Variants in XPNPEP1 observed in about 807,000 individuals in gnomAD.
XPNPEP1 encodes the protein xaa-Pro aminopeptidase 1.
XPNPEP1 carries 39 observed loss-of-function variants against 92.4 expected under a neutral mutation model. The ratio of observed to expected loss-of-function variants is 0.42; its 90% confidence interval spans 0.33 to 0.55. The LOEUF is 0.55. Among genes scored for constraint, XPNPEP1 ranks in the 20% least tolerant of loss-of-function variants. The pLI, the probability that XPNPEP1 is intolerant of heterozygous loss-of-function variation, is 0.08. For missense variants in XPNPEP1, 654 were observed against 856.1 expected, an observed-to-expected ratio of 0.76 and a Z score of 2.95; for synonymous variants, 307 against 299.4, an observed-to-expected ratio of 1.03 and a Z score of -0.26.
chr10:109,881,208 C>T (rs933641185), intron 10 of XPNPEP1, among the ~76,000 whole-genome samples: 9 of 152,158 alleles, frequency 5.9e-5, no homozygotes, highest in Non-Finnish European at 1.3e-4. Flanking sequence ...GGCTGCCTGC[C>T]GTCAGCAAGA....
At chr10:109,887,955 CTCGACTTGGAT>C in intron 7 of XPNPEP1, 83 bp downstream of exon 7, 1 of 1,524,734 alleles carries the variant, frequency 6.6e-7, no homozygotes, top group Non-Finnish European at 8.8e-7. Flanking sequence ...TCAGCTCCAA[CTCGACTTGGAT>C]TCGGAGGACG....
In XPNPEP1 at chr10:109,870,893, C is replaced by T. The variant is rs756162250; in HGVS notation, c.1534G>A (p.Asp512Asn). ...FPTGTKGHLL[D>N]SFARSALWDS... is the part of the protein sequence containing the mutation. ...CATAAAGCTGAACGGGCAAAGGAGT[C>T]AAGAAGGTGACCTGAAAGACATAAA... The change falls in exon 18 of 21, where the codon GAC (aspartate) becomes AAC (asparagine). Residue 512 changes from aspartate to asparagine, a missense_variant. By Grantham distance (23) the Asp-to-Asn change is conservative (BLOSUM62 1). Coordinates refer to ENST00000502935, the MANE Select transcript of XPNPEP1 (RefSeq NM_020383.4). 5 of 1,613,442 alleles carry T rather than the reference C, an allele frequency of 3.1e-6. No homozygotes were observed. Among genetic ancestry groups the T allele is most frequent in the Non-Finnish European group, 4.2e-6 (5 of 1,179,806 alleles).
At chr10:109,878,154 A>T in intron 12 of XPNPEP1, 96 bp from the exon 13 acceptor site, 1 of 1,430,324 alleles carries the variant, frequency 7.0e-7, no homozygotes, top group Non-Finnish European at 9.8e-7. Context: ...CTTTTTCCTC[A>T]ATTGCTTCAT....
intron 3 of XPNPEP1, among the ~76,000 whole-genome samples, chr10:109,902,720 C>G (rs1240777955): frequency 1.3e-5 from 2 of 152,358 alleles, no homozygotes; most frequent in Middle Eastern, 3.4e-3. Flanking sequence ...ACAGTGACTT[C>G]TGCAATAAGA....
chr10:109,889,922 C>G (rs756646370), intron 5 of XPNPEP1, among the ~76,000 whole-genome samples: 2 of 152,108 alleles, frequency 1.3e-5, no homozygotes, highest in African/African-American at 2.4e-5. Flanking sequence ...TGATTCTTTC[C>G]TATTTTTTTT....
In XPNPEP1 at chr10:109,923,292, G is replaced by C. The variant is rs1253243921; in HGVS notation, c.32+110C>G. 5.7e-6 allele frequency: 7 copies of C among 1,226,346 alleles called. No homozygotes were observed. In the East Asian group the frequency reaches 1.8e-4, roughly 32 times the overall value. The allele number at this position is 1,226,346 out of a possible 1,614,324, so 76.0% of individuals were successfully genotyped here. Reference sequence around the variant, plus strand: ...AGCGCGGCCCTCGCCAGACTGCGGCGGGCCGGGCTCCTCACCCGCGCGTCC... The same window carrying C: ...AGCGCGGCCCTCGCCAGACTGCGGCCGGCCGGGCTCCTCACCCGCGCGTCC... On this transcript the variant is annotated intron_variant, in intron 1 of 20. Coordinates refer to ENST00000502935, the MANE Select transcript of XPNPEP1 (RefSeq NM_020383.4).
At chr10:109,914,871 T>C (rs1442997686) in intron 2 of XPNPEP1, 140 bp downstream of exon 2, 2 of 436,864 alleles carry the variant, frequency 4.6e-6, no homozygotes, top group African/African-American at 2.0e-5. Flanking sequence ...AATAAAATGG[T>C]TTTTAACTTC....
intron 11 of XPNPEP1, 22 bp downstream of exon 11, chr10:109,880,820 C>G (rs1432186212): frequency 6.2e-7 from 1 of 1,612,102 alleles, no homozygotes; most frequent in Non-Finnish European, 8.5e-7. Flanking sequence ...ATCCCATCTT[C>G]TGCACCAGCT....
chr10:109,870,094 T>A, intron 18 of XPNPEP1, 65 bp from the exon 19 acceptor site: 1 of 1,558,158 alleles, frequency 6.4e-7, no homozygotes, highest in Non-Finnish European at 8.8e-7. Flanking sequence ...AGAGAGAAAC[T>A]TTCACTCCTT....
chr10:109,912,814 T>C (rs571506037), intron 2 of XPNPEP1, among the ~76,000 whole-genome samples: 4 of 152,368 alleles, frequency 2.6e-5, no homozygotes, highest in Middle Eastern at 3.4e-3. Flanking sequence ...AGGGATGATG[T>C]CATCTCTGTA....
chr10:109,888,421 A>G, intron 6 of XPNPEP1, 82 bp downstream of exon 6: 1 of 1,404,468 alleles, frequency 7.1e-7, no homozygotes, highest in South Asian at 1.3e-5. Flanking sequence ...AGTGCTCCAC[A>G]CCCCACAAGC....
chr10:109,880,302 C>T (rs1848018628), intron 11 of XPNPEP1, 64 bp from the exon 12 acceptor site: 2 of 1,560,174 alleles, frequency 1.3e-6, no homozygotes, highest in Non-Finnish European at 1.8e-6. Context: ...GATTCAGAGC[C>T]TAGCCCTAAT....
intron 20 of XPNPEP1, 111 bp downstream of exon 20, chr10:109,868,503 C>T (rs1469443010): frequency 2.0e-6 from 2 of 1,013,942 alleles, no homozygotes; most frequent in Admixed American, 4.7e-5. Context: ...TTAAAAATTA[C>T]AAAGTGAGAC....
At chr10:109,916,497 C>T (rs1410972119) in intron 1 of XPNPEP1, among the ~76,000 whole-genome samples, 1 of 152,158 alleles carries the variant, frequency 6.6e-6, no homozygotes, top group African/African-American at 2.4e-5. Flanking sequence ...AATTTAACCG[C>T]ATTTTTACAT....
Position 109,864,936 on chromosome 10 carries a change from G to T in XPNPEP1, c.*248C>A. On this transcript the variant is annotated 3_prime_UTR_variant, in exon 21 of 21. Coordinates refer to ENST00000502935, the MANE Select transcript of XPNPEP1 (RefSeq NM_020383.4). Reference sequence around the variant, plus strand: ...TTCCTTTCACCAAGTGTTCAACTTTGGAGGGACCCTCCTTCTGGTGCAGCA... The same window carrying T: ...TTCCTTTCACCAAGTGTTCAACTTTTGAGGGACCCTCCTTCTGGTGCAGCA... 1.9e-6 allele frequency: 1 copy of T among 514,902 alleles called. No homozygotes were observed. The highest frequency in any genetic ancestry group is 3.3e-6 in the Non-Finnish European group (1 of 298,768). 31.9% of individuals were successfully genotyped at this position (514,902 alleles called of 1,614,324 possible). A position where few individuals can be genotyped will look rare whatever the true frequency, so the allele number is the denominator to read the frequency against.
chr10:109,895,626 C>T (rs1225186666), intron 3 of XPNPEP1, among the ~76,000 whole-genome samples: 1 of 152,258 alleles, frequency 6.6e-6, no homozygotes, highest in East Asian at 1.9e-4. Context: ...TGTCACTCTC[C>T]TTCTCCCAGG....
rs778961795 is a variant in XPNPEP1, at chr10:109,888,154, C to T, written c.547G>A (p.Gly183Ser). 26 of 1,613,506 alleles carry T rather than the reference C, an allele frequency of 1.6e-5. No homozygotes were observed. The highest frequency in any genetic ancestry group is 8.9e-5 in the East Asian group (4 of 44,868). The stretch of plus-strand genomic sequence containing the variant: ...TCCTTGACAGGAATGAGGTGATGGC[C>T]GGCACTTCTCAGAACTTTGGCCATT... The part of the protein sequence containing the change: ...KKMAKVLRSA[G>S]HHLIPVKENL... Residue 183 changes from glycine (G) to serine (S), a missense_variant, in exon 7 of 21, where the codon GGC becomes AGC. Transcript: ENST00000502935.
chr10:109,873,578 C>T (rs1175671710), intron 15 of XPNPEP1, 151 bp from the exon 16 acceptor site: 5 of 803,922 alleles, frequency 6.2e-6, no homozygotes, highest in Non-Finnish European at 1.0e-5. Context: ...TTCGCAGTTC[C>T]TTAAAAGGTT....
At chr10:109,908,140 T>A (rs1849659145) in intron 2 of XPNPEP1, among the ~76,000 whole-genome samples, 1 of 152,220 alleles carries the variant, frequency 6.6e-6, no homozygotes, top group Non-Finnish European at 1.5e-5. Flanking sequence ...GGTGTTTATC[T>A]TTGTTTATAG....
Sources: gnomAD v4.1 joint callset for allele counts (sites outside exome capture counted in the v4.1 genomes callset) on GRCh38, gnomAD v4.1.1 for gene constraint, MANE v1.5 for transcripts, NCBI Gene and HGNC (gene_info 2026-07-23, HGNC 2026-07-21) for gene names.